HTR2C: variants seen among roughly 807,000 people sequenced by gnomAD.
HTR2C encodes 5-hydroxytryptamine receptor 2C, also known as 5-hydroxytryptamine (serotonin) receptor 2C, G protein-coupled.
In HTR2C, 5 loss-of-function variants were observed where a neutral mutation model predicts 21.0. That is an observed-to-expected ratio of 0.24 (90% confidence interval 0.12 to 0.50). The LOEUF is 0.50. Among genes scored for constraint, HTR2C ranks in the 20% least tolerant of loss-of-function variants. The probability of loss-of-function intolerance (pLI) is 0.98; values close to 1 mark genes in which losing one functional copy is unlikely to be tolerated. For missense variants in HTR2C, 271 were observed against 371.2 expected (o/e 0.73, Z 2.22); for synonymous variants, 150 against 145.3 (o/e 1.03, Z -0.23).
At chrX:114,622,889 C>T (rs782498979) in intron 2 of HTR2C, among the ~76,000 whole-genome samples, 1 of 111,901 alleles carries the variant, frequency 8.9e-6, no homozygotes, top group Non-Finnish European at 1.9e-5. Flanking sequence ...CAATTACCTA[C>T]AAGTTTTGGT....
At chrX:114,607,006 T>C (rs901899011) in intron 1 of HTR2C, among the ~76,000 whole-genome samples, 9 of 107,459 alleles carry the variant, frequency 8.4e-5, no homozygotes, top group East Asian at 2.9e-4. Context: ...CGCAAGGTGC[T>C]CAGTGGGGGT....
intron 2 of HTR2C, among the ~76,000 whole-genome samples, chrX:114,692,371 A>G (rs1431658812): frequency 8.9e-6 from 1 of 112,048 alleles, no homozygotes; most frequent in Non-Finnish European, 1.9e-5. Flanking sequence ...TCTTGTGAAC[A>G]TTTCCAAGAG....
At chrX:114,618,857 C>T (rs1929046592) in intron 2 of HTR2C, among the ~76,000 whole-genome samples, 1 of 111,239 alleles carries the variant, frequency 9.0e-6, no homozygotes, top group Admixed American at 9.6e-5. Context: ...GAGATTGCCA[C>T]TGTGTAGATC....
intron 4 of HTR2C, among the ~76,000 whole-genome samples, chrX:114,808,253 G>A (rs953870237): frequency 1.5e-4 from 17 of 110,989 alleles, no homozygotes; most frequent in African/African-American, 5.3e-4. Context: ...CTTATTTTGC[G>A]TAACACAATT....
At chrX:114,749,453 CAAAAAAAAAAAAAA>C (rs782652879) in intron 4 of HTR2C, among the ~76,000 whole-genome samples, 1 of 41,906 alleles carries the variant, frequency 2.4e-5, no homozygotes, top group Non-Finnish European at 3.7e-5. Context: ...GTCCATGTCT[CAAAAAAAAAAAAAA>C]AAAAAAAAAG....
chrX:114,668,561 C>A (rs1556411195), intron 2 of HTR2C, among the ~76,000 whole-genome samples: 3 of 111,114 alleles, frequency 2.7e-5, no homozygotes, highest in African/African-American at 9.8e-5. Context: ...GGGTGTAGAA[C>A]CTGAAAAAGC....
intron 1 of HTR2C, among the ~76,000 whole-genome samples, chrX:114,592,280 A>C (rs1247184870): frequency 8.9e-6 from 1 of 112,522 alleles, no homozygotes; most frequent in Non-Finnish European, 1.9e-5. Flanking sequence ...CTAATTCAGA[A>C]TTTAAAAGTG....
At chrX:114,801,951 T>C (rs1472906473) in intron 4 of HTR2C, among the ~76,000 whole-genome samples, 1 of 110,693 alleles carries the variant, frequency 9.0e-6, no homozygotes, top group Non-Finnish European at 1.9e-5. Context: ...TTAAATCATT[T>C]TAATTTGAAT....
intron 5 of HTR2C, among the ~76,000 whole-genome samples, chrX:114,849,797 CA>C (rs1168073990): frequency 8.1e-5 from 9 of 110,975 alleles, no homozygotes; most frequent in South Asian, 3.7e-4. Flanking sequence ...CATAAACAAA[CA>C]AAAAAAACCC....
chrX:114,765,533 C>A (rs183787266), intron 4 of HTR2C, among the ~76,000 whole-genome samples: 41 of 110,478 alleles, frequency 3.7e-4, no homozygotes, highest in African/African-American at 1.3e-3. Context: ...TCCCATTCTC[C>A]CAGCTAGCCA....
At chrX:114,681,465 G>C (rs1931744354) in intron 2 of HTR2C, among the ~76,000 whole-genome samples, 1 of 110,769 alleles carries the variant, frequency 9.0e-6, no homozygotes, top group Non-Finnish European at 1.9e-5. Context: ...TGCTTCAAGA[G>C]AACGACTTAT....
At chrX:114,749,319 G>A (rs2069735903) in intron 4 of HTR2C, among the ~76,000 whole-genome samples, 1 of 107,434 alleles carries the variant, frequency 9.3e-6, no homozygotes, top group South Asian at 4.2e-4. Flanking sequence ...ATGGTGGTGT[G>A]TGCCTGTAGT....
In HTR2C at chrX:114,834,277, A is replaced by T. The variant is rs1298071040; in HGVS notation, c.350-13726A>T. ...TCCTTGTTGACTTTCTGTCTCGTTG[A>T]TCTGTCTAATGTTGACAGTGGGGTG... On this transcript the variant is annotated intron_variant, in intron 4 of 5. Coordinates refer to ENST00000276198, the MANE Select transcript of HTR2C (RefSeq NM_000868.4). Among the ~76,000 whole-genome samples the T allele has an allele frequency of 5.5e-5, 6 of 108,352 alleles. No individual in the cohort carries two copies. In the South Asian group the frequency reaches 2.1e-3, roughly 38 times the overall value. 94.1% of individuals were successfully genotyped at this position (108,352 alleles called of 115,157 possible).
At chrX:114,611,289 A>G (rs1928721375) in intron 1 of HTR2C, among the ~76,000 whole-genome samples, 1 of 111,947 alleles carries the variant, frequency 8.9e-6, no homozygotes, top group African/African-American at 3.3e-5. Flanking sequence ...TTGAACAGTT[A>G]GGTGAAGTTA....
Position 114,621,108 on chromosome X carries a change from G to A in HTR2C, c.-80+7227G>A, listed in dbSNP as rs189457712. 6.4e-4 allele frequency among the ~76,000 whole-genome samples: 72 copies of A among 111,658 alleles called. 1 individual carries two copies. The highest frequency in any genetic ancestry group is 2.2e-3 in the African/African-American group (69 of 30,749). On this transcript the variant is annotated intron_variant, in intron 2 of 5. Transcript: ENST00000276198. ...GTTGGCAAGGATGGTCTCAAACTCC[G>A]GACCTCAAGTGTTCCACCTGTCTCA...
intron 5 of HTR2C, among the ~76,000 whole-genome samples, chrX:114,880,141 A>T (rs890411871): frequency 9.1e-6 from 1 of 110,386 alleles, no homozygotes; most frequent in Non-Finnish European, 1.9e-5. Context: ...AACTGTCAAC[A>T]CTATCTCATT....
At chrX:114,642,869 C>T (rs12690393) in intron 2 of HTR2C, among the ~76,000 whole-genome samples, 14,125 of 111,012 alleles carry the variant, frequency 0.13, 769 homozygotes, top group South Asian at 0.31. Flanking sequence ...CAGTTTACAA[C>T]TGACACACAT....
At chrX:114,713,144 C>T (rs1294141110) in intron 2 of HTR2C, among the ~76,000 whole-genome samples, 1 of 111,364 alleles carries the variant, frequency 9.0e-6, no homozygotes, top group East Asian at 2.8e-4. Context: ...GTACAGTGAT[C>T]CTCCATAACA....
Position 114,874,709 on chromosome X carries a change from A to G in HTR2C, c.550+26506A>G, listed in dbSNP as rs181165034. 2.2e-4 allele frequency among the ~76,000 whole-genome samples: 24 copies of G among 111,053 alleles called. No homozygotes were observed. The Admixed American group carries it at 2.3e-3, about 11-fold the overall frequency. Reference sequence around the variant, plus strand: ...TTTTTAGTAGAGACAGAGTTTCAACATGTTGGCCAGGCTGGTCTCAAACTC... The same window carrying G: ...TTTTTAGTAGAGACAGAGTTTCAACGTGTTGGCCAGGCTGGTCTCAAACTC... On this transcript the variant is annotated intron_variant, in intron 5 of 5. Transcript: ENST00000276198.
Sources: gnomAD v4.1 joint callset for allele counts (sites outside exome capture counted in the v4.1 genomes callset) on GRCh38, gnomAD v4.1.1 for gene constraint, MANE v1.5 for transcripts, NCBI Gene and HGNC (gene_info 2026-07-23, HGNC 2026-07-21) for gene names.